Variants in DMRTC1B observed in about 807,000 individuals in gnomAD.
The protein encoded by DMRTC1B is DMRT like family C1B.
intron 1 of DMRTC1B, chrX:72,807,663 G>C: frequency 3.3e-6 from 2 of 609,441 alleles, no homozygotes; most frequent in Non-Finnish European, 4.6e-6. Flanking sequence ...GAACAGGAAG[G>C]GGAGGCGGAT....
rs2054666084 is a variant in DMRTC1B, at chrX:72,807,916, G to A, written c.-95+30668G>A. ...ATTCTGAAAGACAGACTAAATAACT[G>A]GATCCTAATGATCCCTCCCATCCCT... is the stretch of plus-strand genomic sequence containing the variant. On this transcript the variant is annotated intron_variant, in intron 1 of 6. Transcript: ENST00000334036. 23 of 392,373 alleles carry A rather than the reference G, an allele frequency of 5.9e-5. 2 individuals carry two copies. Among genetic ancestry groups the A allele is most frequent in the Non-Finnish European group, 6.8e-5 (17 of 251,755 alleles). The allele number at this position is 392,373 out of a possible 1,213,427, so 32.3% of individuals were successfully genotyped here.
intron 1 of DMRTC1B, among the ~76,000 whole-genome samples, chrX:72,820,306 A>G (rs1182216641): frequency 1.4e-4 from 9 of 62,087 alleles, no homozygotes; most frequent in Non-Finnish European, 1.5e-4. Flanking sequence ...TCTCTTGATC[A>G]ATCTGGCTTA....
intron 1 of DMRTC1B, among the ~76,000 whole-genome samples, chrX:72,820,531 T>TG (rs1449473109): frequency 5.2e-3 from 531 of 102,928 alleles, no homozygotes; most frequent in Non-Finnish European, 8.1e-3. Context: ...TTTTTTTTTT[T>TG]TTTTTTGAGA....
intron 1 of DMRTC1B, among the ~76,000 whole-genome samples, chrX:72,790,328 AG>A (rs2054612334): frequency 1.4e-5 from 1 of 72,620 alleles, no homozygotes; most frequent in Admixed American, 1.6e-4. Context: ...ACACGCGTGC[AG>A]GAAGAGCCTG....
At chrX:72,820,527 T>C (rs1191507198) in intron 1 of DMRTC1B, among the ~76,000 whole-genome samples, 2 of 113,454 alleles carry the variant, frequency 1.8e-5, no homozygotes, top group African/African-American at 6.4e-5. Flanking sequence ...TTTTTTTTTT[T>C]TTTTTTTTTT....
intron 1 of DMRTC1B, among the ~76,000 whole-genome samples, chrX:72,820,644 G>T (rs1455265806): frequency 2.6e-4 from 20 of 77,443 alleles, no homozygotes; most frequent in Non-Finnish European, 4.4e-4. Flanking sequence ...TCAGCCTCCC[G>T]AGTAGCTGGG....
chrX:72,840,139 A>AG (rs1298220024), intron 1 of DMRTC1B, among the ~76,000 whole-genome samples: 7 of 47,195 alleles, frequency 1.5e-4, no homozygotes, highest in African/African-American at 1.0e-3. Context: ...AAAAAAAAAA[A>AG]AAAGAAAGAA....
intron 1 of DMRTC1B, among the ~76,000 whole-genome samples, chrX:72,840,085 C>T (rs1270003795): frequency 8.9e-6 from 1 of 112,279 alleles, no homozygotes; most frequent in Non-Finnish European, 1.9e-5. Flanking sequence ...CGAGATCGCG[C>T]CATTGCACTG....
rs1426789394 is a variant in DMRTC1B, at chrX:72,807,198, C to T, written c.-95+29950C>T. Among the ~76,000 whole-genome samples the T allele has an allele frequency of 5.9e-5, 4 of 67,811 alleles. 1 individual carries two copies. The highest frequency in any genetic ancestry group is 2.5e-4 in the African/African-American group (4 of 16,137). The allele number at this position is 67,811 out of a possible 115,157, so 58.9% of individuals were successfully genotyped here. A position where few individuals can be genotyped will look rare whatever the true frequency, so the allele number is the denominator to read the frequency against. The stretch of plus-strand genomic sequence containing the variant: ...TCCTCATTCCTGCATGTAAGTGCCC[C>T]GCCAGGGTCAGAGCTGAGAGCCGTG... On this transcript the variant is annotated intron_variant, in intron 1 of 6. Coordinates refer to ENST00000334036, the MANE Select transcript of DMRTC1B (RefSeq NM_001386972.1).
intron 1 of DMRTC1B, among the ~76,000 whole-genome samples, chrX:72,840,143 G>GAGAA (rs2054726907): frequency 5.5e-5 from 1 of 18,187 alleles, no homozygotes; most frequent in African/African-American, 2.6e-4. Context: ...AAAAAAAAAA[G>GAGAA]AAAGAAAGAA....
intron 1 of DMRTC1B, among the ~76,000 whole-genome samples, chrX:72,820,515 C>CTTTT (rs375115289): frequency 5.2e-5 from 5 of 95,997 alleles, no homozygotes; most frequent in African/African-American, 1.7e-4. Context: ...CGAGATATTT[C>CTTTT]TTTTTTTTTT....
At chrX:72,820,610 T>TG (rs2054691929) in intron 1 of DMRTC1B, among the ~76,000 whole-genome samples, 2 of 86,877 alleles carry the variant, frequency 2.3e-5, no homozygotes, top group Non-Finnish European at 4.3e-5. Flanking sequence ...CTCCGCCCCC[T>TG]GGGGTTCACG....
chrX:72,839,378 A>G (rs1392250084), intron 1 of DMRTC1B, among the ~76,000 whole-genome samples: 4 of 112,699 alleles, frequency 3.5e-5, no homozygotes, highest in Non-Finnish European at 7.5e-5. Flanking sequence ...TAGGAGGTGC[A>G]TGCTGAAGTA....
chrX:72,806,903 CT>C (rs1204864871), intron 1 of DMRTC1B, among the ~76,000 whole-genome samples: 1 of 42,613 alleles, frequency 2.3e-5, no homozygotes, highest in Non-Finnish European at 4.7e-5. Flanking sequence ...AAGTCCTCAT[CT>C]TATGGAAAGG....
intron 1 of DMRTC1B, among the ~76,000 whole-genome samples, chrX:72,792,798 C>CCCACCTTGCAAAGCTGAGA (rs2054620560): frequency 1.4e-5 from 1 of 72,558 alleles, no homozygotes; most frequent in Non-Finnish European, 2.6e-5. Flanking sequence ...ACTGCAGCTG[C>CCCACCTTGCAAAGCTGAGA]CCACCTTGCA....
intron 1 of DMRTC1B, among the ~76,000 whole-genome samples, chrX:72,792,679 CTCTAGAGA>C (rs1316915038): frequency 1.3e-5 from 1 of 74,603 alleles, no homozygotes; most frequent in Non-Finnish European, 2.5e-5. Flanking sequence ...CAGCAATGAA[CTCTAGAGA>C]TCTAGATCCC....
intron 1 of DMRTC1B, among the ~76,000 whole-genome samples, chrX:72,794,125 A>AGCTCTTCTATTGTTGTTTGTTC (rs2054622500): frequency 3.2e-5 from 1 of 31,007 alleles, no homozygotes; most frequent in Non-Finnish European, 5.4e-5. Flanking sequence ...ATTGTTTGTT[A>AGCTCTTCTATTGTTGTTTGTTC]GCTCTTCTAT....
chrX:72,820,415 C>T (rs2054688789), intron 1 of DMRTC1B, among the ~76,000 whole-genome samples: 1 of 94,014 alleles, frequency 1.1e-5, no homozygotes, highest in African/African-American at 3.9e-5. Context: ...AATTCATGCT[C>T]TAATCAGTGT....
chrX:72,839,452 G>A (rs1410976581), intron 1 of DMRTC1B, among the ~76,000 whole-genome samples: 2 of 113,354 alleles, frequency 1.8e-5, no homozygotes, highest in Non-Finnish European at 3.7e-5. Flanking sequence ...GAGAGATAAA[G>A]CAATGAGACA....
Sources: allele counts gnomAD v4.1 joint callset (sites outside exome capture counted in the v4.1 genomes callset), GRCh38; gene constraint gnomAD v4.1.1; transcripts MANE v1.5; gene names NCBI Gene and HGNC (gene_info 2026-07-23, HGNC 2026-07-21).